FAM171A1: variants seen among roughly 807,000 people sequenced by gnomAD.
The protein encoded by FAM171A1 is family with sequence similarity 171 member A1, also known as protein FAM171A1.
Under a neutral mutation model 74.9 loss-of-function variants are expected in FAM171A1, and 23 were observed. The ratio of observed to expected loss-of-function variants is 0.31; its 90% CI spans 0.22 to 0.44. The LOEUF (loss-of-function observed/expected upper bound fraction) is 0.44, where lower values mean the gene tolerates loss of function less well. Among genes scored for constraint, FAM171A1 ranks in the 20% least tolerant of loss-of-function variants. The pLI is 1.00. For missense variants in FAM171A1, 1,162 were observed against 1,159.2 expected (o/e 1.00, Z -0.03); for synonymous variants, 527 against 505.7 (o/e 1.04, Z -0.57).
intron 1 of FAM171A1, among the ~76,000 whole-genome samples, chr10:15,351,937 C>T (rs1835884953): frequency 6.6e-6 from 1 of 151,916 alleles, no homozygotes; most frequent in African/African-American, 2.4e-5. Context: ...CCTGTAATCC[C>T]AGCACTTTGG....
intron 1 of FAM171A1, among the ~76,000 whole-genome samples, chr10:15,311,597 C>T (rs1258975555): frequency 6.6e-6 from 1 of 152,196 alleles, no homozygotes; most frequent in Non-Finnish European, 1.5e-5. Context: ...CTAAAGCATT[C>T]TTCTGGGTGG....
intron 1 of FAM171A1, among the ~76,000 whole-genome samples, chr10:15,295,436 G>A (rs969392620): frequency 1.3e-5 from 2 of 152,146 alleles, no homozygotes; most frequent in African/African-American, 4.8e-5. Context: ...TGCACAGTCT[G>A]CCCTTCTCAT....
intron 6 of FAM171A1, among the ~76,000 whole-genome samples, 154 bp from the exon 7 acceptor site, chr10:15,216,264 T>C (rs1210464971): frequency 6.6e-6 from 1 of 152,102 alleles, no homozygotes; most frequent in Non-Finnish European, 1.5e-5. Flanking sequence ...GCACTTGGGG[T>C]ACCACCAGCA....
intron 1 of FAM171A1, among the ~76,000 whole-genome samples, chr10:15,290,901 T>G (rs952405854): frequency 2.6e-5 from 4 of 152,096 alleles, no homozygotes; most frequent in Non-Finnish European, 5.9e-5. Context: ...TACCGCCGTT[T>G]TGTTTTGTTT....
At chr10:15,231,300 C>T (rs1231813406) in intron 5 of FAM171A1, among the ~76,000 whole-genome samples, 2 of 152,050 alleles carry the variant, frequency 1.3e-5, no homozygotes, top group Non-Finnish European at 2.9e-5. Flanking sequence ...GACCTCCTGG[C>T]TCAAGTGATC....
intron 1 of FAM171A1, among the ~76,000 whole-genome samples, chr10:15,359,577 C>T (rs1835969758): frequency 6.6e-6 from 1 of 152,190 alleles, no homozygotes; most frequent in Non-Finnish European, 1.5e-5. Context: ...CCAAAGACAT[C>T]CAAGCCCTCA....
chr10:15,318,995 C>T (rs1835454619), intron 1 of FAM171A1, among the ~76,000 whole-genome samples: 1 of 152,208 alleles, frequency 6.6e-6, no homozygotes, highest in South Asian at 2.1e-4. Context: ...AAGAAGACCA[C>T]AAAGTCACCA....
rs1211371101 is a variant in FAM171A1 at position 15,213,230 on chromosome 10, C to T, written c.2358G>A (p.Thr786=). 2 of 1,613,998 alleles carry T rather than the reference C, an allele frequency of 1.2e-6. No individual in the cohort carries two copies. The highest frequency in any genetic ancestry group is 1.3e-5 in the African/African-American group (1 of 74,916). ...EPRAPDSTAY[T]QLVYLDDVEQ... ...CCACGTCATCCAGGTACACGAGCTG[C>T]GTGTAGGCCGTGCTGTCTGGGGCTC... The change falls in exon 8 of 8, where the codon ACG becomes ACA. Residue 786 remains threonine (T), a synonymous_variant. Coordinates refer to ENST00000378116, the MANE Select transcript of FAM171A1 (RefSeq NM_001010924.2). This position sits in a 1 kb window ranked among gnomAD's most constrained non-coding sequence, Gnocchi z 6.8.
At chr10:15,347,230 G>C (rs1835826445) in intron 1 of FAM171A1, among the ~76,000 whole-genome samples, 1 of 152,166 alleles carries the variant, frequency 6.6e-6, no homozygotes, top group Non-Finnish European at 1.5e-5. Flanking sequence ...TCATAAAAAT[G>C]TGCAAGCTTT....
At chr10:15,283,245 C>T (rs1194632783) in intron 2 of FAM171A1, among the ~76,000 whole-genome samples, 7 of 152,178 alleles carry the variant, frequency 4.6e-5, no homozygotes, top group Non-Finnish European at 1.0e-4. Flanking sequence ...ACAGCTTGCC[C>T]CTGCTGGGAC....
At position 15,220,979 on chromosome 10, in the gene FAM171A1, C is replaced by T. The variant is rs777365887; in HGVS notation, c.836G>A (p.Gly279Glu). The change falls in exon 6 of 8, where the codon GGG becomes GAG. Residue 279 changes from glycine (G) to glutamate (E), a missense_variant. By Grantham distance (98) the Gly-to-Glu change is moderately conservative. Coordinates refer to ENST00000378116, the MANE Select transcript of FAM171A1 (RefSeq NM_001010924.2). Reference protein sequence around the residue: ...LTWTYIAPQLGYWVAAMSPPI... With the variant: ...LTWTYIAPQLEYWVAAMSPPI... ...AGGGGACATGGCGGCCACCCAGTACCCCAACTGGGGGGCAATGTATGTCCA... is the reference window on the plus strand; with the variant it reads ...AGGGGACATGGCGGCCACCCAGTACTCCAACTGGGGGGCAATGTATGTCCA... 1.2e-6 allele frequency: 2 copies of T among 1,614,034 alleles called. No homozygotes were observed. Among genetic ancestry groups the T allele is most frequent in the South Asian group, 2.2e-5 (2 of 91,060 alleles).
At chr10:15,270,515 C>A (rs904299807) in intron 3 of FAM171A1, among the ~76,000 whole-genome samples, 1 of 152,186 alleles carries the variant, frequency 6.6e-6, no homozygotes, top group Non-Finnish European at 1.5e-5. Context: ...TGTTTGACAG[C>A]TCTGAACAGA....
intron 4 of FAM171A1, 68 bp from the exon 5 acceptor site, chr10:15,248,883 CA>C (rs964408421): frequency 6.9e-6 from 10 of 1,455,346 alleles, no homozygotes; most frequent in Non-Finnish European, 7.3e-6. Flanking sequence ...GAAACCTTTG[CA>C]AAAAAATAGT....
chr10:15,343,073 T>G (rs980796432), intron 1 of FAM171A1, among the ~76,000 whole-genome samples: 1 of 152,204 alleles, frequency 6.6e-6, no homozygotes, highest in Non-Finnish European at 1.5e-5. Context: ...GGAAGAGACC[T>G]GATATAATTA....
chr10:15,357,562 T>C (rs57908882), intron 1 of FAM171A1, among the ~76,000 whole-genome samples: 1 of 152,116 alleles, frequency 6.6e-6, no homozygotes, highest in African/African-American at 2.4e-5. Flanking sequence ...TGTGTATGCC[T>C]AGGTTAGCAC....
chr10:15,338,633 T>C (rs1226695735), intron 1 of FAM171A1, among the ~76,000 whole-genome samples: 1 of 152,244 alleles, frequency 6.6e-6, no homozygotes, highest in South Asian at 2.1e-4. Context: ...AACTTGTATT[T>C]TTAGCTAACA....
chr10:15,250,585 C>T (rs1408996831), intron 4 of FAM171A1, among the ~76,000 whole-genome samples: 1 of 152,164 alleles, frequency 6.6e-6, no homozygotes, highest in Non-Finnish European at 1.5e-5. Context: ...TAGTGAAACC[C>T]CGTTTGCACA....
At chr10:15,348,326 CAG>C (rs1441318499) in intron 1 of FAM171A1, among the ~76,000 whole-genome samples, 4 of 151,136 alleles carry the variant, frequency 2.6e-5, no homozygotes, top group Admixed American at 6.6e-5. Flanking sequence ...AATGTATAGA[CAG>C]GGTGTCACCA....
Position 15,339,682 on chromosome 10 carries a change from C to G in FAM171A1, c.97+31274G>C, listed in dbSNP as rs559767017. 2.9e-4 allele frequency among the ~76,000 whole-genome samples: 44 copies of G among 152,292 alleles called. 1 individual carries two copies. The South Asian group carries it at 8.9e-3, about 31-fold the overall frequency. On this transcript the variant is annotated intron_variant, in intron 1 of 7. Coordinates refer to ENST00000378116, the MANE Select transcript of FAM171A1 (RefSeq NM_001010924.2). Reference sequence around the variant, plus strand: ...CAGGCTTAGTTACTCCTCCTACACCCAACCCCTTTCCCTTCCCACCTTTGT... The same window carrying G: ...CAGGCTTAGTTACTCCTCCTACACCGAACCCCTTTCCCTTCCCACCTTTGT...
Sources: allele counts gnomAD v4.1 joint callset (sites outside exome capture counted in the v4.1 genomes callset), GRCh38; gene constraint gnomAD v4.1.1; non-coding constraint Gnocchi (gnomAD v3.1); transcripts MANE v1.5; gene names NCBI Gene and HGNC (gene_info 2026-07-23, HGNC 2026-07-21).